The following ARID4B variants were observed in gnomAD, a reference collection of about 807,000 sequenced individuals.
ARID4B encodes the protein AT-rich interaction domain 4B.
In ARID4B, 26 loss-of-function variants were observed where a neutral mutation model predicts 147.5. The observed-to-expected ratio is 0.18, with a 90% confidence interval of 0.13 to 0.24. The LOEUF (loss-of-function observed/expected upper bound fraction) is 0.24, where lower values mean the gene tolerates loss of function less well. Ranked by LOEUF, ARID4B falls within the 10% of genes least tolerant of loss-of-function variation. ARID4B has a pLI of 1.00. For missense variants in ARID4B, 1,179 were observed against 1,511.5 expected (o/e 0.78, Z 3.65); for synonymous variants, 512 against 507.9 (o/e 1.01, Z -0.11).
intron 19 of ARID4B, among the ~76,000 whole-genome samples, chr1:235,193,625 TAAAAA>T (rs1448702613): frequency 1.3e-5 from 2 of 152,128 alleles, no homozygotes; most frequent in African/African-American, 4.8e-5. Context: ...CTACTAGTAA[TAAAAA>T]ATTTGAGGCC....
intron 19 of ARID4B, among the ~76,000 whole-genome samples, chr1:235,189,387 G>C: frequency 9.9e-6 from 1 of 101,372 alleles, no homozygotes; most frequent in African/African-American, 3.9e-5. Flanking sequence ...GCAACAGAGT[G>C]AGACTCAGTC....
chr1:235,236,418 G>A (rs895926444), intron 8 of ARID4B, among the ~76,000 whole-genome samples: 5 of 151,818 alleles, frequency 3.3e-5, no homozygotes, highest in Non-Finnish European at 7.4e-5. Context: ...GGTGTGAGAA[G>A]CTTAAATTAA....
chr1:235,182,831 A>G (rs773842706), intron 19 of ARID4B, 38 bp from the exon 20 acceptor site: 3 of 1,540,084 alleles, frequency 1.9e-6, no homozygotes, highest in Non-Finnish European at 2.6e-6. Context: ...GAGTATGATA[A>G]GAACACTAGC....
intron 7 of ARID4B, among the ~76,000 whole-genome samples, chr1:235,245,070 G>C (rs1442515755): frequency 6.6e-6 from 1 of 152,124 alleles, no homozygotes; most frequent in African/African-American, 2.4e-5. Context: ...AGATGGAGCA[G>C]GTCTTCATTC....
At chr1:235,267,242 C>T (rs1374583276) in intron 2 of ARID4B, among the ~76,000 whole-genome samples, 2 of 152,128 alleles carry the variant, frequency 1.3e-5, no homozygotes, top group African/African-American at 4.8e-5. Context: ...TGCAACACGG[C>T]ACTCCAGCCG....
chr1:235,327,046 A>C, intron 1 of ARID4B, 78 bp from the exon 2 acceptor site: 1 of 1,022,110 alleles, frequency 9.8e-7, no homozygotes, highest in Admixed American at 2.1e-5. Flanking sequence ...GAAAGAAGCG[A>C]GCGACGTCCG....
chr1:235,318,452 G>A (rs1327352160), intron 2 of ARID4B, among the ~76,000 whole-genome samples: 1 of 151,966 alleles, frequency 6.6e-6, no homozygotes, highest in South Asian at 2.1e-4. Flanking sequence ...GATTACAGGC[G>A]TGAGCCATCG....
chr1:235,181,429 T>C, intron 20 of ARID4B, 156 bp downstream of exon 20: 1 of 1,012,214 alleles, frequency 9.9e-7, no homozygotes, highest in Non-Finnish European at 1.4e-6. Flanking sequence ...ATTCCACTAT[T>C]CATTTTCAAA....
intron 22 of ARID4B, among the ~76,000 whole-genome samples, chr1:235,173,845 T>A (rs1663646153): frequency 2.4e-5 from 3 of 127,448 alleles, no homozygotes; most frequent in Non-Finnish European, 3.3e-5. Flanking sequence ...ATATACCTTT[T>A]TTTAAATGAA....
rs754941124 is a variant in ARID4B, at chr1:235,177,615, GT to G, written c.3448+184del. 1,651 of 436,452 alleles carry G rather than the reference GT, an allele frequency of 3.8e-3. 1 individual carries two copies. The highest frequency in any genetic ancestry group is 5.6e-3 in the South Asian group (148 of 26,402). The allele number at this position is 436,452 out of a possible 1,614,324, so 27.0% of individuals were successfully genotyped here. A position where few individuals can be genotyped will look rare whatever the true frequency, so the allele number is the denominator to read the frequency against. On this transcript the variant is annotated intron_variant, in intron 21 of 23. Coordinates refer to ENST00000264183, the MANE Select transcript of ARID4B (RefSeq NM_016374.6). ...ACATTAGGTATTTGTCCTAGTGCAT[GT>G]TTTTTTTTTGTCTATTTTGTTTTTT...
At chr1:235,301,038 CTTTTTTT>C (rs780839339) in intron 2 of ARID4B, among the ~76,000 whole-genome samples, 17,054 of 112,388 alleles carry the variant, frequency 0.15, 1,212 homozygotes, top group Middle Eastern at 0.24. Flanking sequence ...TTTAAGTATT[CTTTTTTT>C]TTTTTTTTTT....
intron 23 of ARID4B, among the ~76,000 whole-genome samples, chr1:235,169,103 T>C (rs1009084727): frequency 6.6e-6 from 1 of 152,222 alleles, no homozygotes; most frequent in Non-Finnish European, 1.5e-5. Context: ...GGAGGCTTAA[T>C]TGCTTCTTCA....
chr1:235,201,646 A>T (rs1665930806), intron 17 of ARID4B, among the ~76,000 whole-genome samples: 1 of 152,242 alleles, frequency 6.6e-6, no homozygotes, highest in South Asian at 2.1e-4. Context: ...CTTAGTAAGT[A>T]AGTTAAATAC....
chr1:235,208,736 C>T (rs891857245), intron 17 of ARID4B, among the ~76,000 whole-genome samples: 11 of 151,980 alleles, frequency 7.2e-5, no homozygotes, highest in Admixed American at 3.3e-4. Context: ...GAACTGGTCT[C>T]GAACTCCCAA....
intron 21 of ARID4B, among the ~76,000 whole-genome samples, chr1:235,176,234 T>G (rs1663856392): frequency 6.6e-6 from 1 of 151,864 alleles, no homozygotes; most frequent in Admixed American, 6.6e-5. Context: ...GGGAGAACAC[T>G]ATATCTCTGT....
chr1:235,257,341 T>C (rs1670045939), intron 3 of ARID4B, 116 bp from the exon 4 acceptor site: 1 of 681,398 alleles, frequency 1.5e-6, no homozygotes. Flanking sequence ...GCCTAGTTTA[T>C]ACAACATCCC....
chr1:235,252,582 A>AAC (rs1669711823), intron 6 of ARID4B, 148 bp downstream of exon 6: 1 of 533,808 alleles, frequency 1.9e-6, no homozygotes, highest in African/African-American at 2.0e-5. Flanking sequence ...CAGGGCCTTA[A>AAC]ACAGGCTTCA....
chr1:235,181,559 G>A (rs928216828), intron 20 of ARID4B, 26 bp downstream of exon 20: 3 of 1,599,470 alleles, frequency 1.9e-6, no homozygotes, highest in African/African-American at 1.3e-5. Context: ...CCTAAAATAA[G>A]TCAACATACA....
At chr1:235,173,762 AAAAAAAAAAATATATATATATAT>A (rs1252428630) in intron 22 of ARID4B, among the ~76,000 whole-genome samples, 3 of 53,338 alleles carry the variant, frequency 5.6e-5, no homozygotes, top group African/African-American at 2.1e-4. Context: ...AAAAAAAAAA[AAAAAAAAAAATATATATATATAT>A]ATATATATAT....
Sources: gnomAD v4.1 joint callset for allele counts (sites outside exome capture counted in the v4.1 genomes callset) on GRCh38, gnomAD v4.1.1 for gene constraint, MANE v1.5 for transcripts, NCBI Gene and HGNC (gene_info 2026-07-23, HGNC 2026-07-21) for gene names.